Variants in IL1RAPL1 observed in about 807,000 individuals in gnomAD.
IL1RAPL1 encodes interleukin-1 receptor accessory protein-like 1.
Under a neutral mutation model 48.4 loss-of-function variants are expected in IL1RAPL1, and 3 were observed. The observed-to-expected ratio is 0.06, with a 90% CI of 0.03 to 0.16. The LOEUF (loss-of-function observed/expected upper bound fraction) is 0.16. Among genes scored for constraint, IL1RAPL1 ranks in the 10% least tolerant of loss-of-function variants. The pLI is 1.00. For missense variants in IL1RAPL1, 349 were observed against 530.6 expected, an observed-to-expected ratio of 0.66 and a Z score of 3.36; for synonymous variants, 185 against 187.7, an observed-to-expected ratio of 0.99 and a Z score of 0.12.
At chrX:29,297,213 C>G (rs1178214050) in intron 3 of IL1RAPL1, among the ~76,000 whole-genome samples, 2 of 112,354 alleles carry the variant, frequency 1.8e-5, no homozygotes, top group Non-Finnish European at 3.8e-5. Flanking sequence ...CATTTCAAAG[C>G]ACTATCACAC....
chrX:29,682,488 A>T (rs1926484942), intron 6 of IL1RAPL1, among the ~76,000 whole-genome samples: 1 of 110,822 alleles, frequency 9.0e-6, no homozygotes, highest in Non-Finnish European at 1.9e-5. Context: ...CCCTGACTCT[A>T]CTCCCACTAG....
intron 3 of IL1RAPL1, among the ~76,000 whole-genome samples, chrX:29,327,351 TAATA>T (rs1932849427): frequency 9.1e-6 from 1 of 109,813 alleles, no homozygotes; most frequent in African/African-American, 3.3e-5. Context: ...TATATATTCT[TAATA>T]AATCTTTTAA....
chrX:28,761,678 A>G (rs1344424613), intron 1 of IL1RAPL1, among the ~76,000 whole-genome samples: 1 of 111,768 alleles, frequency 8.9e-6, no homozygotes, highest in Non-Finnish European at 1.9e-5. Context: ...CATTTGTACT[A>G]GAAACCCCAG....
intron 2 of IL1RAPL1, among the ~76,000 whole-genome samples, chrX:28,827,391 A>T (rs1221340565): frequency 5.4e-5 from 6 of 111,381 alleles, no homozygotes; most frequent in Non-Finnish European, 1.1e-4. Flanking sequence ...GTGTTTACTC[A>T]TATTACAGAT....
At chrX:29,517,435 A>ATTGCTGTAG (rs1488557759) in intron 5 of IL1RAPL1, among the ~76,000 whole-genome samples, 1 of 111,106 alleles carries the variant, frequency 9.0e-6, no homozygotes, top group Non-Finnish European at 1.9e-5. Context: ...TTTAAAATAC[A>ATTGCTGTAG]TTGCTGTAGT....
At chrX:29,668,653 A>G (rs760042888) in intron 6 of IL1RAPL1, 149 bp downstream of exon 6, 17 of 505,249 alleles carry the variant, frequency 3.4e-5, no homozygotes, top group Non-Finnish European at 1.8e-5. Context: ...ATACCTAGCC[A>G]TTTCATTCCT....
intron 1 of IL1RAPL1, among the ~76,000 whole-genome samples, chrX:28,769,038 C>T (rs370128200): frequency 1.9e-5 from 2 of 107,016 alleles, no homozygotes; most frequent in African/African-American, 6.8e-5. Flanking sequence ...CAAATGAGTT[C>T]GAGTGTGAAG....
At chrX:29,506,762 T>G (rs113096830) in intron 5 of IL1RAPL1, among the ~76,000 whole-genome samples, 157 of 109,180 alleles carry the variant, frequency 1.4e-3, no homozygotes, top group Middle Eastern at 9.3e-3. Context: ...GGGCTGAGAA[T>G]GGTAGTCTCA....
At chrX:29,002,569 A>G (rs1925880550) in intron 2 of IL1RAPL1, among the ~76,000 whole-genome samples, 1 of 110,480 alleles carries the variant, frequency 9.1e-6, no homozygotes, top group African/African-American at 3.3e-5. Context: ...ACTAAAGGGG[A>G]AATTTATTGA....
chrX:29,612,226 T>A (rs1377110259), intron 5 of IL1RAPL1, among the ~76,000 whole-genome samples: 1 of 110,911 alleles, frequency 9.0e-6, no homozygotes, highest in African/African-American at 3.3e-5. Context: ...GGTAATATTT[T>A]TGAGTCAATG....
chrX:29,208,502 G>A (rs1194981988), intron 2 of IL1RAPL1, among the ~76,000 whole-genome samples: 1 of 109,818 alleles, frequency 9.1e-6, no homozygotes, highest in African/African-American at 3.3e-5. Flanking sequence ...ACGAGGTCAG[G>A]AGATCGAGAC....
In IL1RAPL1 at chrX:29,786,399, A is replaced by G. The variant is rs556024474; in HGVS notation, c.778+117895A>G. Among the ~76,000 whole-genome samples the G allele has an allele frequency of 7.2e-5, 8 of 111,151 alleles. No individual in the cohort carries two copies. The South Asian group carries it at 3.1e-3, about 43-fold the overall frequency. ...AGAAGAAAGAGTGAATGCAAAAGAC[A>G]GAGGGTGACAGAGGGTGACAGAGAG... On this transcript the variant is annotated intron_variant, in intron 6 of 10. Coordinates refer to ENST00000378993, the MANE Select transcript of IL1RAPL1 (RefSeq NM_014271.4).
At chrX:29,260,981 AAAT>A (rs1440866436) in intron 2 of IL1RAPL1, among the ~76,000 whole-genome samples, 1 of 107,919 alleles carries the variant, frequency 9.3e-6, no homozygotes, top group Non-Finnish European at 1.9e-5. Context: ...TAGACAGTAA[AAAT>A]AATATAGTCA....
rs190238253 is a variant in IL1RAPL1 at position 29,899,809 on chromosome X, G to A, written c.779-17655G>A. On this transcript the variant is annotated intron_variant, in intron 6 of 10. Coordinates refer to ENST00000378993, the MANE Select transcript of IL1RAPL1 (RefSeq NM_014271.4). ...TCCACCCACCTCAACCTCCCAAAGC[G>A]CTGGGATTACAGGCGTGAGCCACCA... Among the ~76,000 whole-genome samples the A allele has an allele frequency of 3.1e-3, 343 of 111,297 alleles. 1 individual carries two copies. The highest frequency in any genetic ancestry group is 0.01 in the African/African-American group (316 of 30,600).
chrX:29,168,952 A>G lies in IL1RAPL1; in HGVS notation c.83-113986A>G, dbSNP rs776756798. 1.3e-3 allele frequency among the ~76,000 whole-genome samples: 89 copies of G among 69,049 alleles called. 5 individuals are homozygous for G. Among genetic ancestry groups the G allele is most frequent in the African/African-American group, 4.1e-3 (88 of 21,613 alleles). The allele number at this position is 69,049 out of a possible 115,157, so 60.0% of individuals were successfully genotyped here. On this transcript the variant is annotated intron_variant, in intron 2 of 10. Coordinates refer to ENST00000378993, the MANE Select transcript of IL1RAPL1 (RefSeq NM_014271.4). ...TTGTATATATATATTCATATGTACA[A>G]TTGTATATATATTCATATGTACAAT...
intron 5 of IL1RAPL1, among the ~76,000 whole-genome samples, chrX:29,621,838 C>A (rs1470144697): frequency 8.9e-6 from 1 of 111,813 alleles, no homozygotes; most frequent in Non-Finnish European, 1.9e-5. Flanking sequence ...ACTGTAGTCA[C>A]CCTACTGATC....
chrX:28,948,011 G>GT (rs1345612304), intron 2 of IL1RAPL1, among the ~76,000 whole-genome samples: 2 of 110,934 alleles, frequency 1.8e-5, no homozygotes, highest in African/African-American at 6.6e-5. Flanking sequence ...TCTGCTTATT[G>GT]TGAGACCTAG....
intron 2 of IL1RAPL1, among the ~76,000 whole-genome samples, chrX:29,029,219 G>C (rs1926561708): frequency 9.0e-6 from 1 of 111,446 alleles, no homozygotes; most frequent in Non-Finnish European, 1.9e-5. Flanking sequence ...GACATGTGGG[G>C]ATGGAAGCTA....
chrX:29,607,629 A>G (rs916811992), intron 5 of IL1RAPL1, among the ~76,000 whole-genome samples: 3 of 111,775 alleles, frequency 2.7e-5, no homozygotes, highest in African/African-American at 9.8e-5. Context: ...TTTCTCTTTC[A>G]TGGGACACTT....
Sources: gnomAD v4.1 joint callset for allele counts (sites outside exome capture counted in the v4.1 genomes callset) on GRCh38, gnomAD v4.1.1 for gene constraint, MANE v1.5 for transcripts, NCBI Gene and HGNC (gene_info 2026-07-23, HGNC 2026-07-21) for gene names.